Variants in ATOX1 observed in about 807,000 individuals in gnomAD.
ATOX1 encodes antioxidant 1 copper chaperone, also known as copper transport protein ATOX1.
ATOX1 carries 4 observed loss-of-function variants against 7.3 expected under a neutral mutation model. That is an observed-to-expected ratio of 0.55 (90% CI 0.27 to 1.25). The LOEUF is 1.25. ATOX1 is among the 50% of genes most tolerant of loss of function. The pLI, the probability that ATOX1 is intolerant of heterozygous loss-of-function variation, is 0.12. For missense variants in ATOX1, 68 were observed against 81.6 expected (o/e 0.83, Z 0.64); for synonymous variants, 25 against 28.7 (o/e 0.87, Z 0.41).
intron 2 of ATOX1, among the ~76,000 whole-genome samples, chr5:151,751,394 C>T (rs984631783): frequency 6.6e-6 from 1 of 151,928 alleles, no homozygotes; most frequent in Middle Eastern, 3.4e-3. Context: ...GTTAATTTGG[C>T]TAAATCCCAG....
At chr5:151,751,992 T>A in intron 1 of ATOX1, 3 of 601,632 alleles carry the variant, frequency 5.0e-6, no homozygotes, top group Non-Finnish European at 8.9e-6. Flanking sequence ...TTCAATGGAA[T>A]CATCCCTATA....
chr5:151,748,401 C>A (rs1761904078), intron 2 of ATOX1, among the ~76,000 whole-genome samples: 1 of 152,084 alleles, frequency 6.6e-6, no homozygotes, highest in Non-Finnish European at 1.5e-5. Context: ...TCAAGGATGC[C>A]ATCAGTCTGT....
intron 1 of ATOX1, among the ~76,000 whole-genome samples, chr5:151,756,228 C>T (rs567970929): frequency 2.0e-5 from 3 of 152,074 alleles, no homozygotes; most frequent in South Asian, 2.1e-4. Flanking sequence ...AGGCATTACC[C>T]GCCGCACCTG....
At chr5:151,745,448 C>A (rs1012921276) in intron 3 of ATOX1, 1 of 152,214 alleles carries the variant, frequency 6.6e-6, no homozygotes, top group African/African-American at 2.4e-5. Context: ...GAGTCAAATG[C>A]ACTACATGGG....
chr5:151,751,881 A>T (rs1761955513), intron 1 of ATOX1, 102 bp from the exon 2 acceptor site: 1 of 1,157,874 alleles, frequency 8.6e-7, no homozygotes. Context: ...AGACAGAGAG[A>T]CTGGGCAGGA....
chr5:151,752,233 G>A (rs1761959703), intron 1 of ATOX1: 5 of 702,410 alleles, frequency 7.1e-6, no homozygotes, highest in Middle Eastern at 2.3e-4. Context: ...CCTACAGCTT[G>A]CAAAAACTAC....
chr5:151,746,879 G>A (rs139016246), intron 2 of ATOX1, among the ~76,000 whole-genome samples: 2 of 152,146 alleles, frequency 1.3e-5, no homozygotes, highest in East Asian at 1.9e-4. Flanking sequence ...GATTACAGGC[G>A]TATGCCACCA....
At position 151,751,713 on chromosome 5, in the gene ATOX1, T is replaced by C. The variant is rs1190716344; in HGVS notation, c.73A>G (p.Lys25Glu). The change falls in exon 2 of 4, where the codon AAG becomes GAG. Residue 25 changes from lysine to glutamate, a missense_variant. Physicochemically the swap from Lys to Glu is moderately conservative, Grantham distance 56. Coordinates refer to ENST00000313115, the MANE Select transcript of ATOX1 (RefSeq NM_004045.4). ...CAEAVSRVLN[K>E]LGGVKYDIDL... Reference sequence around the variant, plus strand: ...AGGGCCACTCACTCACCTCCAAGCTTATTGAGGACCCGAGAGACAGCTTCA... The same window carrying C: ...AGGGCCACTCACTCACCTCCAAGCTCATTGAGGACCCGAGAGACAGCTTCA... 6.2e-7 allele frequency: 1 copy of C among 1,606,440 alleles called. No homozygotes were observed.
chr5:151,754,956 C>T (rs1370639594), intron 1 of ATOX1, among the ~76,000 whole-genome samples: 1 of 140,674 alleles, frequency 7.1e-6, no homozygotes, highest in Non-Finnish European at 1.5e-5. Context: ...GCACTCCAGC[C>T]TGGCAAGAGA....
chr5:151,751,865 G>A, intron 1 of ATOX1, 86 bp from the exon 2 acceptor site: 1 of 1,330,496 alleles, frequency 7.5e-7, no homozygotes, highest in Non-Finnish European at 1.1e-6. Flanking sequence ...TCAGGGTCAA[G>A]ACAGAAGACA....
intron 2 of ATOX1, among the ~76,000 whole-genome samples, chr5:151,749,968 C>T (rs1469755823): frequency 6.6e-6 from 1 of 152,200 alleles, no homozygotes; most frequent in Non-Finnish European, 1.5e-5. Context: ...GCTCAGAGGA[C>T]TGCTAATGAG....
chr5:151,754,980 CAAAAAAAA>C (rs79359321), intron 1 of ATOX1, among the ~76,000 whole-genome samples: 56 of 48,884 alleles, frequency 1.1e-3, no homozygotes, highest in East Asian at 8.8e-3. Context: ...AGACACCGTC[CAAAAAAAA>C]AAAAAAAAAA....
chr5:151,746,710 T>C (rs893884213), intron 2 of ATOX1: 4 of 382,278 alleles, frequency 1.0e-5, no homozygotes, highest in African/African-American at 8.3e-5. Context: ...GTGAGCAGGA[T>C]TTGGCCCATG....
At chr5:151,749,738 C>A (rs141366277) in intron 2 of ATOX1, among the ~76,000 whole-genome samples, 2 of 152,184 alleles carry the variant, frequency 1.3e-5, no homozygotes, top group African/African-American at 4.8e-5. Context: ...ATATACATTC[C>A]CATACCACAG....
At position 151,752,048 on chromosome 5, in the gene ATOX1, G is replaced by C; in HGVS notation, c.7-269C>G. 6.7e-6 allele frequency: 4 copies of C among 597,340 alleles called. No homozygotes were observed. The South Asian group carries it at 8.3e-5, about 12-fold the overall frequency. 37.0% of individuals were successfully genotyped at this position (597,340 alleles called of 1,614,324 possible). ...CACATAGTAAATAGAATCACCTGGA[G>C]ATCTAGTTTAAAATGCTTTTTCCCA... On this transcript the variant is annotated intron_variant, in intron 1 of 3. Transcript: ENST00000313115.
In ATOX1 at chr5:151,746,331, A is replaced by T. The variant is rs774921195; in HGVS notation, c.201T>A (p.Leu67=). ...KTGKTVSYLG[L]E ...TGTGGGGACCAGGCCCCTGCTACTC[A>T]AGGCCAAGGTAGGAAACAGTCTTTC... The change falls in exon 3 of 4, where the codon CTT becomes CTA. Residue 67 remains leucine, a synonymous_variant. Coordinates refer to ENST00000313115, the MANE Select transcript of ATOX1 (RefSeq NM_004045.4). The T allele has an allele frequency of 9.9e-6, 16 of 1,613,332 alleles. No homozygotes were observed. The highest frequency in any genetic ancestry group is 1.4e-5 in the Non-Finnish European group (16 of 1,179,640).
At chr5:151,758,362 C>G (rs1025977983) in intron 1 of ATOX1, among the ~76,000 whole-genome samples, 184 bp downstream of exon 1, 14 of 152,266 alleles carry the variant, frequency 9.2e-5, no homozygotes, top group African/African-American at 3.4e-4. Context: ...AGATTAAACT[C>G]CCTTCGGATC....
At chr5:151,750,528 A>AG (rs1761934531) in intron 2 of ATOX1, among the ~76,000 whole-genome samples, 1 of 150,752 alleles carries the variant, frequency 6.6e-6, no homozygotes, top group African/African-American at 2.4e-5. Flanking sequence ...AAAAAAAAAA[A>AG]TCTGCATGTG....
chr5:151,745,137 G>C (rs574468373), intron 3 of ATOX1: 1 of 152,296 alleles, frequency 6.6e-6, no homozygotes, highest in African/African-American at 2.4e-5. Context: ...CACATACACA[G>C]AACACTGCTA....
Sources: gnomAD v4.1 joint callset for allele counts (sites outside exome capture counted in the v4.1 genomes callset) on GRCh38, gnomAD v4.1.1 for gene constraint, MANE v1.5 for transcripts, NCBI Gene and HGNC (gene_info 2026-07-23, HGNC 2026-07-21) for gene names.